SRFBP1: variants seen among roughly 807,000 people sequenced by gnomAD.
SRFBP1 encodes the protein serum response factor binding protein 1, also known as serum response factor-binding protein 1.
SRFBP1 carries 47 observed loss-of-function variants against 45.5 expected under a neutral mutation model. That is an observed-to-expected ratio of 1.03 (90% confidence interval 0.82 to 1.32). SRFBP1 has a LOEUF of 1.32. Among genes scored for constraint, SRFBP1 ranks in the 40% most tolerant of loss-of-function variants. The pLI is 0.00. For missense variants in SRFBP1, 621 were observed against 484.6 expected (o/e 1.28, Z -2.64); for synonymous variants, 203 against 166.3 (o/e 1.22, Z -1.70).
chr5:121,964,356 C>G (rs1752016681), intron 1 of SRFBP1, among the ~76,000 whole-genome samples: 1 of 151,992 alleles, frequency 6.6e-6, no homozygotes, highest in Non-Finnish European at 1.5e-5. Flanking sequence ...TTCCCCCCAC[C>G]CGACAGGCCT....
Position 122,028,263 on chromosome 5 carries a change from T to G in SRFBP1, c.*1137T>G, listed in dbSNP as rs1313517322. The G allele has an allele frequency of 6.6e-6, 1 of 152,216 alleles. No homozygotes were observed. Among genetic ancestry groups the G allele is most frequent in the Non-Finnish European group, 1.5e-5 (1 of 68,050 alleles). 9.4% of individuals were successfully genotyped at this position (152,216 alleles called of 1,614,324 possible). The stretch of plus-strand genomic sequence containing the variant: ...GGCAGGGAAGGCCATCTGGTTAACC[T>G]GTATTCACAAACTCTCAAGAGTTTC... On this transcript the variant is annotated 3_prime_UTR_variant, in exon 8 of 8. Coordinates refer to ENST00000339397, the MANE Select transcript of SRFBP1 (RefSeq NM_152546.3).
intron 3 of SRFBP1, among the ~76,000 whole-genome samples, chr5:121,978,389 A>G (rs1364165295): frequency 2.0e-5 from 3 of 152,212 alleles, no homozygotes. Context: ...TTTAGTAAAC[A>G]TGAAACTTGC....
At chr5:122,043,346 G>A (rs532689730) in intron 2 of SRFBP1, among the ~76,000 whole-genome samples, 1 of 152,124 alleles carries the variant, frequency 6.6e-6, no homozygotes, top group African/African-American at 2.4e-5. Context: ...CTCCTGAGTA[G>A]CTGGGATCAC....
At position 122,047,951 on chromosome 5, in the gene SRFBP1, A is replaced by G. The variant is rs186093239; in HGVS notation, n.311+25544A>G. Among the ~76,000 whole-genome samples, 781 of 152,266 alleles carry G rather than the reference A, an allele frequency of 5.1e-3. 10 individuals are homozygous for G. The highest frequency in any genetic ancestry group is 0.017 in the African/African-American group (721 of 41,550). ...CAGCTTAAGGAGATTTTGGGCTGAG[A>G]TGATGGGGTTTTCTAGGTATACAAT... On this transcript the variant is annotated intron_variant and non_coding_transcript_variant, in intron 2 of 2. Coordinates refer to the SRFBP1 transcript ENST00000504881.
intron 4 of SRFBP1, among the ~76,000 whole-genome samples, chr5:122,016,541 A>T (rs1753197515): frequency 6.6e-6 from 1 of 152,148 alleles, no homozygotes; most frequent in South Asian, 2.1e-4. Flanking sequence ...AGGTCCCAAT[A>T]TACTAATGTG....
At chr5:122,020,007 AT>A (rs1226464411) in intron 5 of SRFBP1, 80 bp from the exon 6 acceptor site, 3 of 937,720 alleles carry the variant, frequency 3.2e-6, no homozygotes, top group African/African-American at 3.4e-5. Context: ...TTTTCAAATA[AT>A]TTTTTAAAAT....
At chr5:122,010,677 C>CTGTA (rs1396465625) in intron 4 of SRFBP1, among the ~76,000 whole-genome samples, 2 of 150,972 alleles carry the variant, frequency 1.3e-5, no homozygotes, top group African/African-American at 2.5e-5. Flanking sequence ...ATATAACATT[C>CTGTA]TGTATGTATG....
At chr5:122,058,271 T>C (rs1006888603) in intron 2 of SRFBP1, among the ~76,000 whole-genome samples, 1 of 152,200 alleles carries the variant, frequency 6.6e-6, no homozygotes, top group African/African-American at 2.4e-5. Context: ...ATGTCAAGAT[T>C]ATTTCTAGTT....
intron 2 of SRFBP1, chr5:122,070,262 G>A (rs1245408409): frequency 5.1e-6 from 4 of 779,462 alleles, no homozygotes; most frequent in Non-Finnish European, 6.7e-6. Flanking sequence ...AAGCAGGGAA[G>A]GGATTTTAAC....
At chr5:122,022,231 ATTATT>A in intron 6 of SRFBP1, 134 bp from the exon 7 acceptor site, 1 of 645,942 alleles carries the variant, frequency 1.5e-6, no homozygotes, top group East Asian at 3.0e-5. Flanking sequence ...GACTTTCATA[ATTATT>A]TTATTGTTTG....
intron 4 of SRFBP1, among the ~76,000 whole-genome samples, chr5:122,011,980 G>A (rs1561590955): frequency 6.6e-6 from 1 of 152,068 alleles, no homozygotes; most frequent in Non-Finnish European, 1.5e-5. Flanking sequence ...CATGAAGGGA[G>A]CTTTACGCAA....
At chr5:122,037,927 C>G (rs1753718348) in intron 2 of SRFBP1, among the ~76,000 whole-genome samples, 2 of 152,176 alleles carry the variant, frequency 1.3e-5, no homozygotes, top group South Asian at 2.1e-4. Flanking sequence ...TTTCCAACCC[C>G]TCTTGAAGTT....
At chr5:122,075,373 C>G in exon 3 of SRFBP1, 1 of 1,550,890 alleles carries the variant, frequency 6.4e-7, no homozygotes, top group Non-Finnish European at 8.7e-7. Flanking sequence ...GAAAAGCAAC[C>G]CAAAAGTACC....
chr5:121,968,933 A>G (rs1484709938), intron 1 of SRFBP1, among the ~76,000 whole-genome samples: 1 of 152,212 alleles, frequency 6.6e-6, no homozygotes, highest in Non-Finnish European at 1.5e-5. Context: ...ACTATTTTCT[A>G]ATAACTATAG....
intron 4 of SRFBP1, among the ~76,000 whole-genome samples, chr5:122,004,633 C>T (rs932373073): frequency 6.6e-6 from 1 of 152,044 alleles, no homozygotes; most frequent in Non-Finnish European, 1.5e-5. Flanking sequence ...TTGATCTCCT[C>T]TTGTTTTTCT....
chr5:121,975,985 T>C (rs1483285791), intron 3 of SRFBP1, among the ~76,000 whole-genome samples: 1 of 152,006 alleles, frequency 6.6e-6, no homozygotes, highest in African/African-American at 2.4e-5. Context: ...ATTAAATGTC[T>C]GGGAGACTGT....
chr5:122,068,174 T>TAAA lies in SRFBP1; in HGVS notation n.312-7120_312-7118dup, dbSNP rs10650287. On this transcript the variant is annotated intron_variant and non_coding_transcript_variant, in intron 2 of 2. Transcript: ENST00000504881. ...GTTTGTTACAGTCAGTAATAACTAG[T>TAAA]AAAAAAAAAAAAAAAAAAAAAAATT... Among the ~76,000 whole-genome samples the TAAA allele has an allele frequency of 8.2e-3, 949 of 115,824 alleles. 12 individuals carry two copies. Among genetic ancestry groups the TAAA allele is most frequent in the African/African-American group, 0.026 (786 of 29,662 alleles). 76.0% of individuals were successfully genotyped at this position (115,824 alleles called of 152,430 possible). A position where few individuals can be genotyped will look rare whatever the true frequency, so the allele number is the denominator to read the frequency against.
At chr5:121,976,147 G>A (rs1489749449) in intron 3 of SRFBP1, among the ~76,000 whole-genome samples, 1 of 151,954 alleles carries the variant, frequency 6.6e-6, no homozygotes, top group Non-Finnish European at 1.5e-5. Context: ...TATTTTAATT[G>A]AGTTAAGTTA....
At chr5:122,048,423 G>T in intron 2 of SRFBP1, among the ~76,000 whole-genome samples, 1 of 152,180 alleles carries the variant, frequency 6.6e-6, no homozygotes, top group East Asian at 1.9e-4. Context: ...TAAGCTTTTT[G>T]ATGTGCTATT....
Sources: gnomAD v4.1 joint callset for allele counts (sites outside exome capture counted in the v4.1 genomes callset) on GRCh38, gnomAD v4.1.1 for gene constraint, MANE v1.5 for transcripts, NCBI Gene and HGNC (gene_info 2026-07-23, HGNC 2026-07-21) for gene names.